Variants in RPP40 observed in about 807,000 individuals in gnomAD.
RPP40 encodes the protein ribonuclease P protein subunit p40.
RPP40 carries 30 observed loss-of-function variants against 42.5 expected under a neutral mutation model. The ratio of observed to expected loss-of-function variants is 0.71; its 90% CI spans 0.53 to 0.96. The LOEUF is 0.96. Among genes scored for constraint, RPP40 ranks in the 40% least tolerant of loss-of-function variants. The pLI is 0.00. For missense variants in RPP40, 426 were observed against 433.5 expected (o/e 0.98, Z 0.15); for synonymous variants, 173 against 164.0 (o/e 1.05, Z -0.42).
At chr6:4,997,645 TCATCCATCCATC>T (rs72424582) in intron 5 of RPP40, among the ~76,000 whole-genome samples, 17,014 of 151,946 alleles carry the variant, frequency 0.11, 1,075 homozygotes, top group Non-Finnish European at 0.14. Context: ...AAATCTCCTC[TCATCCATCCATC>T]CATCCATCCA....
downstream of RPP40, among the ~76,000 whole-genome samples, chr6:4,991,364 T>C (rs766055165): frequency 1.3e-5 from 2 of 152,238 alleles, no homozygotes; most frequent in African/African-American, 2.4e-5. Flanking sequence ...TAACCCACTT[T>C]ACTTTTACAT....
At position 4,996,291 on chromosome 6, in the gene RPP40, G is replaced by T. The variant is rs558469947; in HGVS notation, c.689C>A (p.Thr230Lys). 1.9e-6 allele frequency: 3 copies of T among 1,614,086 alleles called. No homozygotes were observed. The highest frequency in any genetic ancestry group is 2.7e-5 in the African/African-American group (2 of 75,054). ...PVLQSSELEG[T>K]PEVSCRALEL... ...CAGAGCCCGGCAGGACACCTCTGGC[G>T]TTCCCTCCAGCTCGCTGCTCTGCAG... The change falls in exon 6 of 8, where the codon ACG (threonine) becomes AAG (lysine). Residue 230 changes from threonine (T) to lysine (K), a missense_variant. Transcript: ENST00000380051.
chr6:4,996,361 G>A lies in RPP40; in HGVS notation c.619C>T (p.Pro207Ser). 1 of 1,614,060 alleles carries A rather than the reference G, an allele frequency of 6.2e-7. No homozygotes were observed. Residue 207 changes from proline (P) to serine (S), a missense_variant, in exon 6 of 8, where the codon CCA becomes TCA. Physicochemically the swap from Pro to Ser is moderately conservative, Grantham distance 74. Transcript: ENST00000380051. ...FSKYQIQEHQ[P>S]KVALSTLRDL... ...CTCAACGTGCTCAGTGCTACTTTTG[G>A]CTGATGCTCCTGAATTTGGTACTTG...
intron 1 of RPP40, 100 bp downstream of exon 1, chr6:5,003,780 C>T: frequency 7.0e-7 from 1 of 1,423,254 alleles, no homozygotes; most frequent in Non-Finnish European, 9.3e-7. Flanking sequence ...CTCCGCGTAC[C>T]GCCGGCGGCC....
In RPP40 at chr6:4,995,168, T is replaced by C. The variant is rs1759331963; in HGVS notation, c.1002A>G (p.Gly334=). The C allele has an allele frequency of 1.9e-6, 3 of 1,614,086 alleles. No homozygotes were observed. Among genetic ancestry groups the C allele is most frequent in the Admixed American group, 1.7e-5 (1 of 60,026 alleles). ...TCACAAAGTTATATAAATGTTCTCC[T>C]CCTTTTCGAAAACCATGTTCATTTT... The part of the protein sequence containing the change: ...WEKNEHGFRK[G]GEHLYNFVIF... The change falls in exon 8 of 8, where the codon GGA becomes GGG. Residue 334 remains glycine (G), a synonymous_variant. Coordinates refer to ENST00000380051, the MANE Select transcript of RPP40 (RefSeq NM_006638.4).
intron 3 of RPP40, 45 bp downstream of exon 3, chr6:5,000,518 A>ATT (rs762699427): frequency 2.1e-6 from 2 of 948,878 alleles, no homozygotes; most frequent in Non-Finnish European, 3.1e-6. Flanking sequence ...TACAGTATGC[A>ATT]TTTTTTTTTA....
downstream of RPP40, among the ~76,000 whole-genome samples, chr6:4,990,772 C>T (rs275258): frequency 0.24 from 36,640 of 151,630 alleles, 4,609 homozygotes; most frequent in African/African-American, 0.31. Context: ...CGAGCCACCA[C>T]GCCTAGCCCT....
At chr6:4,998,685 A>G in intron 5 of RPP40, 31 bp downstream of exon 5, 3 of 1,428,988 alleles carry the variant, frequency 2.1e-6, no homozygotes, top group Non-Finnish European at 2.9e-6. Flanking sequence ...TTTCAAAATC[A>G]CTGTATCATT....
At chr6:5,000,957 A>G in intron 2 of RPP40, 1 of 432,174 alleles carries the variant, frequency 2.3e-6, no homozygotes. Context: ...CAGAAGACCA[A>G]GCATGCAGAA....
rs1234968742 is a variant in RPP40, at chr6:4,995,282, A to G, written c.894-6T>C. 6 of 1,602,716 alleles carry G rather than the reference A, an allele frequency of 3.7e-6. No homozygotes were observed. In the South Asian group the frequency reaches 6.7e-5, roughly 18 times the overall value. On this transcript the variant is annotated splice_polypyrimidine_tract_variant and splice_region_variant and intron_variant, in intron 7 of 7. Transcript: ENST00000380051. ...TCGGTTCATCAAAGTAGTGACTGAA[A>G]AAAAGGTAGTTGTTAAACAGAGTTT...
the RPP40 span, among the ~76,000 whole-genome samples, chr6:4,989,089 C>T: frequency 7.3e-5 from 11 of 151,304 alleles, no homozygotes; most frequent in East Asian, 1.9e-3. Context: ...TTTTAAGTTG[C>T]CTTTTTCCTA....
downstream of RPP40, among the ~76,000 whole-genome samples, chr6:4,992,322 T>C (rs1159207863): frequency 1.3e-5 from 2 of 148,668 alleles, no homozygotes; most frequent in Admixed American, 6.8e-5. Context: ...TGAGCCGAGA[T>C]TGCGCCACTG....
intron 4 of RPP40, 82 bp downstream of exon 4, chr6:4,999,725 CAA>C: frequency 1.3e-6 from 1 of 791,644 alleles, no homozygotes; most frequent in Non-Finnish European, 2.1e-6. Flanking sequence ...TTTTTTTGAA[CAA>C]AGAGATTAGA....
At chr6:4,991,485 T>A (rs1759261250), downstream of RPP40, among the ~76,000 whole-genome samples, 1 of 152,200 alleles carries the variant, frequency 6.6e-6, no homozygotes, top group African/African-American at 2.4e-5. Context: ...AGAAAAATTT[T>A]CTGCTATTGT....
downstream of RPP40, among the ~76,000 whole-genome samples, chr6:4,992,061 G>A (rs1246982): frequency 0.5 from 75,630 of 152,078 alleles, 19,987 homozygotes; most frequent in East Asian, 0.83. Context: ...AATTAGGCCA[G>A]GTGTGGTGGC....
downstream of RPP40, among the ~76,000 whole-genome samples, chr6:4,993,710 A>G (rs1470671296): frequency 2.0e-5 from 3 of 152,300 alleles, no homozygotes; most frequent in East Asian, 1.9e-4. Flanking sequence ...AAGCCACCCT[A>G]AAAACTGCTG....
downstream of RPP40, among the ~76,000 whole-genome samples, chr6:4,993,108 C>T (rs1162930246): frequency 6.6e-6 from 1 of 152,206 alleles, no homozygotes; most frequent in African/African-American, 2.4e-5. Context: ...ATAAATGCTA[C>T]ATTTACCCAT....
intron 2 of RPP40, among the ~76,000 whole-genome samples, chr6:5,000,873 AC>A (rs1759533262): frequency 7.6e-6 from 1 of 132,376 alleles, no homozygotes; most frequent in African/African-American, 3.1e-5. Flanking sequence ...CATGCAGAAG[AC>A]AAAGCTTGCA....
chr6:5,000,336 G>A (rs1561746203), intron 3 of RPP40, among the ~76,000 whole-genome samples: 4 of 152,070 alleles, frequency 2.6e-5, no homozygotes, highest in African/African-American at 9.7e-5. Flanking sequence ...CTACAGGCAT[G>A]AGCCACCACG....
Sources: allele counts gnomAD v4.1 joint callset (sites outside exome capture counted in the v4.1 genomes callset), GRCh38; gene constraint gnomAD v4.1.1; transcripts MANE v1.5; gene names NCBI Gene and HGNC (gene_info 2026-07-23, HGNC 2026-07-21).